Variants in CYBRD1 observed in about 807,000 individuals in gnomAD.
CYBRD1 encodes cytochrome b reductase 1, also known as plasma membrane ascorbate-dependent reductase CYBRD1.
CYBRD1 carries 14 observed loss-of-function variants against 21.9 expected under a neutral mutation model. The ratio of observed to expected loss-of-function variants is 0.64; its 90% CI spans 0.42 to 1.00. CYBRD1 has a LOEUF of 1.00. Ranked by LOEUF, CYBRD1 falls within the 50% of genes least tolerant of loss-of-function variation. The pLI is 0.00. For synonymous variants in CYBRD1, 146 were observed against 136.5 expected (o/e 1.07, Z -0.48); for missense variants, 328 against 352.5 (o/e 0.93, Z 0.56).
intron 1 of CYBRD1, among the ~76,000 whole-genome samples, chr2:171,529,293 A>G (rs191494463): frequency 2.6e-5 from 4 of 152,314 alleles, no homozygotes; most frequent in Non-Finnish European, 5.9e-5. Flanking sequence ...GCACTTTGGG[A>G]GGCCAAGGCA....
At chr2:171,548,060 G>A (rs924032193) in intron 2 of CYBRD1, among the ~76,000 whole-genome samples, 2 of 152,066 alleles carry the variant, frequency 1.3e-5, no homozygotes, top group African/African-American at 4.8e-5. Context: ...TGTCTGTTAC[G>A]TCCCTTATAA....
chr2:171,535,903 G>A (rs1471998117), intron 1 of CYBRD1, among the ~76,000 whole-genome samples: 1 of 152,160 alleles, frequency 6.6e-6, no homozygotes, highest in Non-Finnish European at 1.5e-5. Flanking sequence ...ACTTCCCAAA[G>A]TGCTGGGATT....
At chr2:171,529,014 A>G (rs1014302199) in intron 1 of CYBRD1, among the ~76,000 whole-genome samples, 5 of 152,220 alleles carry the variant, frequency 3.3e-5, no homozygotes, top group Non-Finnish European at 5.9e-5. Flanking sequence ...ATAAACTCCC[A>G]GAAGGAAGGG....
Position 171,554,863 on chromosome 2 carries a change from T to G in CYBRD1, c.*36T>G. 1 of 1,606,456 alleles carries G rather than the reference T, an allele frequency of 6.2e-7. No individual in the cohort carries two copies. Among genetic ancestry groups the G allele is most frequent in the East Asian group, 2.2e-5 (1 of 44,640 alleles). ...AGATAGAGCCATATAACGTCACGTT[T>G]CAAAACTAGCTCTACAGTTTTGCTT... On this transcript the variant is annotated 3_prime_UTR_variant, in exon 4 of 4. Transcript: ENST00000321348.
Position 171,554,613 on chromosome 2 carries a change from T to C in CYBRD1, c.647T>C (p.Phe216Ser). ...LLILVFGALI[F>S]WIVTRPQWKR... is the part of the protein sequence containing the mutation. Reference sequence around the variant, plus strand: ...ATCCTGGTGTTCGGGGCCCTCATTTTTTGGATAGTCACCAGACCGCAATGG... The same window carrying C: ...ATCCTGGTGTTCGGGGCCCTCATTTCTTGGATAGTCACCAGACCGCAATGG... The change falls in exon 4 of 4, where the codon TTT becomes TCT. Residue 216 changes from phenylalanine (F) to serine (S), a missense_variant. Coordinates refer to ENST00000321348, the MANE Select transcript of CYBRD1 (RefSeq NM_024843.4). 1 of 1,614,076 alleles carries C rather than the reference T, an allele frequency of 6.2e-7. No individual in the cohort carries two copies. The highest frequency in any genetic ancestry group is 8.5e-7 in the Non-Finnish European group (1 of 1,179,960).
intron 1 of CYBRD1, among the ~76,000 whole-genome samples, chr2:171,524,811 G>A (rs1051420308): frequency 2.6e-5 from 4 of 152,086 alleles, no homozygotes; most frequent in African/African-American, 4.8e-5. Flanking sequence ...TCCAATATAC[G>A]GTTTTCTAAA....
At position 171,522,543 on chromosome 2, in the gene CYBRD1, C is replaced by G. The variant is rs201951213; in HGVS notation, c.-3C>G. The G allele has an allele frequency of 2.1e-5, 34 of 1,595,694 alleles. 1 individual carries two copies. The East Asian group carries it at 7.5e-4, about 35-fold the overall frequency. On this transcript the variant is annotated 5_prime_UTR_variant, in exon 1 of 4. Transcript: ENST00000321348. The surrounding 1 kb of genome is among the most constrained non-coding windows in gnomAD (Gnocchi z 4.3). ...CCCCCGCGGTGCGGAGTATGGGGCGCTGATGGCCATGGAGGGCTACTGGCG... is the reference window on the plus strand; with the variant it reads ...CCCCCGCGGTGCGGAGTATGGGGCGGTGATGGCCATGGAGGGCTACTGGCG...
chr2:171,546,255 T>C (rs370156189), intron 2 of CYBRD1, among the ~76,000 whole-genome samples: 12 of 152,312 alleles, frequency 7.9e-5, no homozygotes, highest in African/African-American at 2.9e-4. Flanking sequence ...CCAAGTTACT[T>C]CTCTGAATTT....
In CYBRD1 at chr2:171,547,881, G is replaced by C. The variant is rs186751772; in HGVS notation, c.403-5465G>C. Among the ~76,000 whole-genome samples, 11 of 152,216 alleles carry C rather than the reference G, an allele frequency of 7.2e-5. No homozygotes were observed. The East Asian group carries it at 1.5e-3, about 21-fold the overall frequency. On this transcript the variant is annotated intron_variant, in intron 2 of 3. Transcript: ENST00000321348. Reference sequence around the variant, plus strand: ...AACTGCTCATAATCATGAACTTGGAGTGATGCTAGTCTCTGTGGTTGTGGT... The same window carrying C: ...AACTGCTCATAATCATGAACTTGGACTGATGCTAGTCTCTGTGGTTGTGGT...
At chr2:171,543,651 A>G (rs1051727637) in intron 2 of CYBRD1, among the ~76,000 whole-genome samples, 1 of 152,160 alleles carries the variant, frequency 6.6e-6, no homozygotes, top group African/African-American at 2.4e-5. Flanking sequence ...GATTAATTAA[A>G]CAAGATGTTT....
intron 2 of CYBRD1, among the ~76,000 whole-genome samples, chr2:171,549,668 C>A (rs1359922663): frequency 6.6e-6 from 1 of 152,210 alleles, no homozygotes; most frequent in Non-Finnish European, 1.5e-5. Context: ...TATGCCTATG[C>A]AAATGTAGAT....
chr2:171,555,904 A>G lies in CYBRD1; in HGVS notation c.*1077A>G, dbSNP rs1341209583. The G allele has an allele frequency of 1.3e-5, 2 of 152,142 alleles. No individual in the cohort carries two copies. The highest frequency in any genetic ancestry group is 1.9e-4 in the East Asian group (1 of 5,192). The allele number at this position is 152,142 out of a possible 1,614,324, so 9.4% of individuals were successfully genotyped here. ...TGGATTCTAACCATTTCACTAAGCTATTTTTGTCTTGTACTACTTTGACCC... is the reference window on the plus strand; with the variant it reads ...TGGATTCTAACCATTTCACTAAGCTGTTTTTGTCTTGTACTACTTTGACCC... On this transcript the variant is annotated 3_prime_UTR_variant, in exon 4 of 4. Transcript: ENST00000321348.
At chr2:171,551,622 G>A (rs1314668029) in intron 2 of CYBRD1, among the ~76,000 whole-genome samples, 2 of 152,134 alleles carry the variant, frequency 1.3e-5, no homozygotes, top group African/African-American at 4.8e-5. Context: ...AGATGAATTT[G>A]AGAACCGACA....
intron 1 of CYBRD1, among the ~76,000 whole-genome samples, chr2:171,535,371 A>G (rs1471669017): frequency 1.3e-5 from 2 of 152,214 alleles, no homozygotes; most frequent in Admixed American, 1.3e-4. Flanking sequence ...TATTCATTCT[A>G]CTGCTGGACA....
At chr2:171,537,384 G>A (rs1053354744) in intron 1 of CYBRD1, among the ~76,000 whole-genome samples, 13 of 152,150 alleles carry the variant, frequency 8.5e-5, no homozygotes, top group Non-Finnish European at 1.5e-4. Context: ...CTGCTTAGAG[G>A]AGAAAAAGCA....
chr2:171,523,719 T>TAA (rs1367953555), intron 1 of CYBRD1, among the ~76,000 whole-genome samples: 2 of 94,354 alleles, frequency 2.1e-5, no homozygotes, highest in Non-Finnish European at 4.0e-5. Flanking sequence ...TTTGTTGTCA[T>TAA]TGTGTAGTGC....
intron 1 of CYBRD1, chr2:171,541,228 T>TGAA (rs1697626129): frequency 2.9e-6 from 1 of 350,412 alleles, no homozygotes; most frequent in African/African-American, 2.1e-5. Context: ...AAGACAGTTC[T>TGAA]GGGCTGGAGA....
intron 1 of CYBRD1, among the ~76,000 whole-genome samples, chr2:171,525,654 C>G (rs1184500837): frequency 6.6e-6 from 1 of 152,126 alleles, no homozygotes; most frequent in African/African-American, 2.4e-5. Context: ...GAGTTCTTCT[C>G]TTCTGTAATA....
intron 1 of CYBRD1, among the ~76,000 whole-genome samples, chr2:171,531,461 G>A (rs1416277098): frequency 6.6e-6 from 1 of 152,004 alleles, no homozygotes; most frequent in Non-Finnish European, 1.5e-5. Context: ...TTGCTTGTTT[G>A]TTTTGATACA....
Sources: gnomAD v4.1 joint callset for allele counts (sites outside exome capture counted in the v4.1 genomes callset) on GRCh38, gnomAD v4.1.1 for gene constraint, Gnocchi (gnomAD v3.1) non-coding constraint, MANE v1.5 for transcripts, NCBI Gene and HGNC (gene_info 2026-07-23, HGNC 2026-07-21) for gene names.